WDR53: variants seen among roughly 807,000 people sequenced by gnomAD.
WDR53 encodes WD repeat-containing protein 53.
In WDR53, 19 loss-of-function variants were observed where a neutral mutation model predicts 21.3. That is an observed-to-expected ratio of 0.89 (90% CI 0.62 to 1.31). The LOEUF (loss-of-function observed/expected upper bound fraction) is 1.31. Among genes scored for constraint, WDR53 ranks in the 50% most tolerant of loss-of-function variants. WDR53 has a pLI of 0.00. For missense variants in WDR53, 374 were observed against 423.2 expected (o/e 0.88, Z 1.02); for synonymous variants, 157 against 163.4 (o/e 0.96, Z 0.30).
At chr3:196,555,928 T>G (rs1197538223) in intron 3 of WDR53, among the ~76,000 whole-genome samples, 1 of 152,234 alleles carries the variant, frequency 6.6e-6, no homozygotes, top group Non-Finnish European at 1.5e-5. Flanking sequence ...AACATTATAC[T>G]ATGTGACTAA....
At chr3:196,565,330 T>C (rs1398915740) in intron 2 of WDR53, among the ~76,000 whole-genome samples, 1 of 151,136 alleles carries the variant, frequency 6.6e-6, no homozygotes, top group Non-Finnish European at 1.5e-5. Context: ...ATCCTAGCAC[T>C]TTGGGAGGCT....
rs150420341 is a variant in WDR53, at chr3:196,562,653, GA to G, written c.-16-1163del. On this transcript the variant is annotated intron_variant, in intron 2 of 3. Coordinates refer to ENST00000332629, the MANE Select transcript of WDR53 (RefSeq NM_182627.3). ...ACTAATGACCACCTGGGGAAATGGT[GA>G]AAATGGCAGGCCCTTGGTCTCCCCA... Among the ~76,000 whole-genome samples, 58 of 152,298 alleles carry G rather than the reference GA, an allele frequency of 3.8e-4. No homozygotes were observed. In the East Asian group the frequency reaches 0.011, roughly 28 times the overall value.
At position 196,561,071 on chromosome 3, in the gene WDR53, A is replaced by ATG; in HGVS notation, c.403_404dup (p.Ser136IlefsTer27). On this transcript the variant is annotated frameshift_variant, in exon 3 of 4. Coordinates refer to ENST00000332629, the MANE Select transcript of WDR53 (RefSeq NM_182627.3). LOFTEE classifies it high-confidence loss of function. ...AAGCCACTGAGGAGCAGATATTGGA[A>ATG]TGTCTCTTCAAGGATCTGATAACTT... 6.2e-7 allele frequency: 1 copy of ATG among 1,614,276 alleles called. No homozygotes were observed. The highest frequency in any genetic ancestry group is 8.5e-7 in the Non-Finnish European group (1 of 1,180,058).
intron 2 of WDR53, among the ~76,000 whole-genome samples, chr3:196,562,722 A>T (rs1207706819): frequency 1.3e-5 from 2 of 152,214 alleles, no homozygotes; most frequent in African/African-American, 2.4e-5. Context: ...ATCTCAAAAC[A>T]ACCCTTTTGA....
intron 2 of WDR53, among the ~76,000 whole-genome samples, chr3:196,562,394 T>C (rs1577574275): frequency 6.6e-6 from 1 of 152,184 alleles, no homozygotes; most frequent in African/African-American, 2.4e-5. Context: ...CCCGAGTAGC[T>C]GAGATAACAG....
chr3:196,561,458 C>A lies in WDR53; in HGVS notation c.18G>T (p.Thr6=). MAVKW[T]GGHSSPVLCL... is the part of the protein sequence containing the mutation. ...AGAGGACAGGAGAAGAATGCCCACC[C>A]GTCCACTTGACTGCCATAATGGTCC... Residue 6 remains threonine, a synonymous_variant, in exon 3 of 4, where the codon ACG becomes ACT. Coordinates refer to ENST00000332629, the MANE Select transcript of WDR53 (RefSeq NM_182627.3). 1.2e-6 allele frequency: 2 copies of A among 1,612,794 alleles called. No homozygotes were observed. The highest frequency in any genetic ancestry group is 1.7e-6 in the Non-Finnish European group (2 of 1,179,424).
chr3:196,563,990 A>T (rs1272601676), intron 2 of WDR53, among the ~76,000 whole-genome samples: 3 of 152,214 alleles, frequency 2.0e-5, no homozygotes, highest in Non-Finnish European at 2.9e-5. Flanking sequence ...ATGTTCATAA[A>T]AATAACAAAA....
chr3:196,561,221 A>T lies in WDR53; in HGVS notation c.255T>A (p.Asp85Glu), dbSNP rs1734820032. 6.2e-7 allele frequency: 1 copy of T among 1,614,208 alleles called. No homozygotes were observed. Among genetic ancestry groups the T allele is most frequent in the African/African-American group, 1.3e-5 (1 of 75,040 alleles). Residue 85 changes from aspartate to glutamate, a missense_variant, in exon 3 of 4, where the codon GAT (aspartate) becomes GAA (glutamate). Physicochemically the swap from Asp to Glu is conservative, Grantham distance 45 (BLOSUM62 2). Coordinates refer to ENST00000332629, the MANE Select transcript of WDR53 (RefSeq NM_182627.3). Reference sequence around the variant, plus strand: ...CATTCACATGAAAATGGTCCAAGGAATCTTTGAGGGACCTGACATCCAGTA... The same window carrying T: ...CATTCACATGAAAATGGTCCAAGGATTCTTTGAGGGACCTGACATCCAGTA... The part of the protein sequence containing the change: ...ISVLDVRSLK[D>E]SLDHFHVNEE...
intron 2 of WDR53, 96 bp from the exon 3 acceptor site, chr3:196,561,587 G>T: frequency 4.1e-5 from 48 of 1,161,646 alleles, no homozygotes; most frequent in Admixed American, 9.3e-5. Flanking sequence ...CTTTTAAAAT[G>T]TTTTAAAAAT....
At chr3:196,567,737 T>A (rs1029297553) in intron 1 of WDR53, among the ~76,000 whole-genome samples, 1 of 143,400 alleles carries the variant, frequency 7.0e-6, no homozygotes, top group Non-Finnish European at 1.5e-5. Context: ...TATAATCAAA[T>A]AATGCTGAAA....
chr3:196,561,069 G>T lies in WDR53; in HGVS notation c.407C>A (p.Ser136Tyr). The stretch of plus-strand genomic sequence containing the variant: ...AAAAGCCACTGAGGAGCAGATATTG[G>T]AATGTCTCTTCAAGGATCTGATAAC... ...KKVIRSLKRH[S>Y]NICSSVAFRP... The change falls in exon 3 of 4, where the codon TCC (serine) becomes TAC (tyrosine). Residue 136 changes from serine (S) to tyrosine (Y), a missense_variant. Physicochemically the swap from Ser to Tyr is moderately radical, Grantham distance 144 (BLOSUM62 -2). Coordinates refer to ENST00000332629, the MANE Select transcript of WDR53 (RefSeq NM_182627.3). The T allele has an allele frequency of 6.2e-7, 1 of 1,614,208 alleles. No individual in the cohort carries two copies. Among genetic ancestry groups the T allele is most frequent in the Non-Finnish European group, 8.5e-7 (1 of 1,180,032 alleles).
Position 196,554,288 on chromosome 3 carries a change from T to C in WDR53, c.1000A>G (p.Lys334Glu). 1.2e-6 allele frequency: 2 copies of C among 1,614,206 alleles called. No homozygotes were observed. Among genetic ancestry groups the C allele is most frequent in the Non-Finnish European group, 1.7e-6 (2 of 1,180,020 alleles). Reference sequence around the variant, plus strand: ...AATATATTTTGGTGTCCCTTTATTTTTGTACCCAAGAGCCAGTTCACTTTT... The same window carrying C: ...AATATATTTTGGTGTCCCTTTATTTCTGTACCCAAGAGCCAGTTCACTTTT... ...GEKVNWLLGT[K>E]IKGHQNILVA... The change falls in exon 4 of 4, where the codon AAA becomes GAA. Residue 334 changes from lysine (K) to glutamate (E), a missense_variant. Coordinates refer to ENST00000332629, the MANE Select transcript of WDR53 (RefSeq NM_182627.3).
At chr3:196,559,177 G>A (rs1462050325) in intron 3 of WDR53, among the ~76,000 whole-genome samples, 1 of 152,220 alleles carries the variant, frequency 6.6e-6, no homozygotes, top group East Asian at 1.9e-4. Context: ...AAGACACACT[G>A]TACAATCTGC....
chr3:196,567,114 G>C lies in WDR53; in HGVS notation c.-254C>G. The C allele has an allele frequency of 2.2e-6, 1 of 456,736 alleles. No individual in the cohort carries two copies. Among genetic ancestry groups the C allele is most frequent in the Non-Finnish European group, 4.4e-6 (1 of 226,902 alleles). The allele number at this position is 456,736 out of a possible 1,614,324, so 28.3% of individuals were successfully genotyped here. A position where few individuals can be genotyped will look rare whatever the true frequency, so the allele number is the denominator to read the frequency against. On this transcript the variant is annotated 5_prime_UTR_variant, in exon 2 of 4. Coordinates refer to ENST00000332629, the MANE Select transcript of WDR53 (RefSeq NM_182627.3). ...CCTCTAAGGCTGTTCATTCTGTCTA[G>C]TTCATGATCCCTTTCTCAGATGGAT...
chr3:196,567,044 ACT>A lies in WDR53; in HGVS notation c.-186_-185del, dbSNP rs1735470465. On this transcript the variant is annotated 5_prime_UTR_variant, in exon 2 of 4. It removes the in-frame stop codon of an upstream open reading frame in the 5' UTR. Transcript: ENST00000332629. ...TTTAAAAACTGAGTGATCTCTAAAC[ACT>A]CTGCACTAGTCATACCACCACCGTC... 2.5e-6 allele frequency: 1 copy of A among 399,828 alleles called. No individual in the cohort carries two copies. Among genetic ancestry groups the A allele is most frequent in the Non-Finnish European group, 5.0e-6 (1 of 199,376 alleles). 24.8% of individuals were successfully genotyped at this position (399,828 alleles called of 1,614,324 possible).
At chr3:196,563,347 AAT>A (rs1277203097) in intron 2 of WDR53, among the ~76,000 whole-genome samples, 1 of 152,200 alleles carries the variant, frequency 6.6e-6, no homozygotes, top group Non-Finnish European at 1.5e-5. Context: ...AAATCAGGGC[AAT>A]TTATACAACT....
At chr3:196,564,245 G>A (rs371711675) in intron 2 of WDR53, among the ~76,000 whole-genome samples, 1 of 152,126 alleles carries the variant, frequency 6.6e-6, no homozygotes, top group Non-Finnish European at 1.5e-5. Context: ...GATTTTAAAC[G>A]AAAGGCACTG....
chr3:196,561,467 G>A lies in WDR53; in HGVS notation c.9C>T (p.Val3=). ...GAGAAGAATGCCCACCCGTCCACTT[G>A]ACTGCCATAATGGTCCCGGAGACTC... MA[V]KWTGGHSSPV... The change falls in exon 3 of 4, where the codon GTC becomes GTT. Residue 3 remains valine, a synonymous_variant. Coordinates refer to ENST00000332629, the MANE Select transcript of WDR53 (RefSeq NM_182627.3). 6.2e-7 allele frequency: 1 copy of A among 1,612,340 alleles called. No homozygotes were observed. Among genetic ancestry groups the A allele is most frequent in the South Asian group, 1.1e-5 (1 of 90,920 alleles).
chr3:196,555,664 A>T (rs1734256357), intron 3 of WDR53, among the ~76,000 whole-genome samples: 1 of 152,242 alleles, frequency 6.6e-6, no homozygotes, highest in Non-Finnish European at 1.5e-5. Flanking sequence ...TTTATCATGT[A>T]GTTTACCATC....
Sources: allele counts gnomAD v4.1 joint callset (sites outside exome capture counted in the v4.1 genomes callset), GRCh38; gene constraint gnomAD v4.1.1; transcripts MANE v1.5; gene names NCBI Gene and HGNC (gene_info 2026-07-23, HGNC 2026-07-21).